HFM1: variants seen among roughly 807,000 people sequenced by gnomAD.
HFM1 encodes helicase for meiosis 1.
A neutral mutation model predicts 192.1 loss-of-function variants in HFM1; 169 were observed. The observed-to-expected ratio is 0.88, with a 90% confidence interval of 0.78 to 1.00. The LOEUF (loss-of-function observed/expected upper bound fraction) is 1.00, where lower values mean the gene tolerates loss of function less well. Among genes scored for constraint, HFM1 ranks in the 50% least tolerant of loss-of-function variants. The pLI, the probability that HFM1 is intolerant of heterozygous loss-of-function variation, is 0.00. For missense variants in HFM1, 1,661 were observed against 1,668.0 expected (o/e 1.00, Z 0.07); for synonymous variants, 525 against 537.8 (o/e 0.98, Z 0.33).
intron 18 of HFM1, among the ~76,000 whole-genome samples, chr1:91,348,734 G>A (rs1656488651): frequency 6.6e-6 from 1 of 151,740 alleles, no homozygotes; most frequent in Admixed American, 6.6e-5. Flanking sequence ...AGCCTAGGCA[G>A]CATAGGGAAG....
intron 30 of HFM1, among the ~76,000 whole-genome samples, chr1:91,311,113 A>G (rs1650374690): frequency 6.6e-6 from 1 of 152,230 alleles, no homozygotes. Context: ...AATAAGGTCC[A>G]GGTTGAGGTG....
At chr1:91,310,180 G>A (rs973133125) in intron 30 of HFM1, among the ~76,000 whole-genome samples, 3 of 152,036 alleles carry the variant, frequency 2.0e-5, no homozygotes, top group African/African-American at 4.8e-5. Context: ...GTTTTTATGT[G>A]TAAAAGTAAT....
chr1:91,387,726 T>C (rs1164935640), intron 4 of HFM1, among the ~76,000 whole-genome samples: 1 of 116,626 alleles, frequency 8.6e-6, no homozygotes, highest in African/African-American at 3.4e-5. Context: ...TGAGATCACA[T>C]GGACACAGGA....
At chr1:91,354,242 A>G (rs1327290333) in intron 13 of HFM1, among the ~76,000 whole-genome samples, 1 of 151,796 alleles carries the variant, frequency 6.6e-6, no homozygotes, top group Non-Finnish European at 1.5e-5. Flanking sequence ...AGAAGAAAGA[A>G]TCTGTGAAAT....
intron 13 of HFM1, among the ~76,000 whole-genome samples, chr1:91,374,187 T>C (rs1660615365): frequency 6.6e-6 from 1 of 152,094 alleles, no homozygotes; most frequent in South Asian, 2.1e-4. Context: ...ACACAGAGGC[T>C]AATACAGCTT....
intron 20 of HFM1, among the ~76,000 whole-genome samples, chr1:91,332,077 C>T (rs1344489820): frequency 6.6e-6 from 1 of 151,952 alleles, no homozygotes; most frequent in Non-Finnish European, 1.5e-5. Flanking sequence ...ATACCAATGA[C>T]ATTCTTCACA....
chr1:91,264,353 A>G (rs1463487464), intron 36 of HFM1, among the ~76,000 whole-genome samples: 1 of 100,744 alleles, frequency 9.9e-6, no homozygotes, highest in Non-Finnish European at 2.0e-5. Flanking sequence ...GGATACCACA[A>G]ATTTAGTATT....
rs113891470 is a variant in HFM1, at chr1:91,329,098, T to C, written c.2336-4332A>G. 1.4e-5 allele frequency: 23 copies of C among 1,610,200 alleles called. No individual in the cohort carries two copies. In the Admixed American group the frequency reaches 2.3e-4, roughly 16 times the overall value. On this transcript the variant is annotated intron_variant, in intron 20 of 38. Transcript: ENST00000370425. ...GACTACTGTAAGAGTATCTGGAGTA[T>C]TGGGCCCAAGCGGGCTGTGGATCTA...
intron 30 of HFM1, among the ~76,000 whole-genome samples, chr1:91,300,418 T>G (rs1648540734): frequency 6.6e-6 from 1 of 152,158 alleles, no homozygotes; most frequent in Non-Finnish European, 1.5e-5. Flanking sequence ...GAGGGAATCC[T>G]CCCTAACTCA....
At chr1:91,271,134 T>A (rs1666252023) in intron 34 of HFM1, among the ~76,000 whole-genome samples, 1 of 152,092 alleles carries the variant, frequency 6.6e-6, no homozygotes. Flanking sequence ...AATCGTCAGG[T>A]TACTGGGATT....
intron 20 of HFM1, among the ~76,000 whole-genome samples, chr1:91,335,517 A>C (rs1654443989): frequency 6.6e-6 from 1 of 152,180 alleles, no homozygotes; most frequent in African/African-American, 2.4e-5. Context: ...AAGCAGAGGG[A>C]ATGAAAAGTA....
At chr1:91,321,704 G>A (rs1483078520) in intron 23 of HFM1, among the ~76,000 whole-genome samples, 1 of 152,058 alleles carries the variant, frequency 6.6e-6, no homozygotes, top group Non-Finnish European at 1.5e-5. Context: ...GCTTAAATAA[G>A]ATGCACAAAG....
chr1:91,377,901 T>G, intron 11 of HFM1, 124 bp downstream of exon 11: 1 of 881,684 alleles, frequency 1.1e-6, no homozygotes, highest in Non-Finnish European at 1.8e-6. Context: ...TAGCCACAAC[T>G]TTCTACAACA....
intron 4 of HFM1, among the ~76,000 whole-genome samples, chr1:91,389,132 G>GT (rs34874992): frequency 1.1e-3 from 91 of 82,488 alleles, no homozygotes; most frequent in South Asian, 2.6e-3. Context: ...TTTTTGTTGG[G>GT]TTTTTTTTTT....
intron 30 of HFM1, among the ~76,000 whole-genome samples, chr1:91,300,034 T>A (rs1307749972): frequency 6.6e-6 from 1 of 152,032 alleles, no homozygotes; most frequent in Non-Finnish European, 1.5e-5. Flanking sequence ...GATAGACCGC[T>A]AGCAAGACTA....
intron 30 of HFM1, among the ~76,000 whole-genome samples, chr1:91,277,378 C>A (rs980946936): frequency 1.1e-4 from 17 of 150,776 alleles, no homozygotes; most frequent in African/African-American, 3.4e-4. Context: ...TACCACCATG[C>A]CTGGTAATTT....
chr1:91,338,579 C>G (rs1389956660), intron 20 of HFM1, among the ~76,000 whole-genome samples: 1 of 152,186 alleles, frequency 6.6e-6, no homozygotes, highest in African/African-American at 2.4e-5. Context: ...CCTCCTCACA[C>G]TGCTTTGCCA....
intron 30 of HFM1, among the ~76,000 whole-genome samples, chr1:91,277,507 GT>G (rs1553183750): frequency 1.2e-3 from 3 of 2,434 alleles, no homozygotes; most frequent in Admixed American, 7.9e-3. Context: ...TCCCTGGTGG[GT>G]GTGTGTGTGT....
At chr1:91,329,383 C>T (rs936617292) in intron 20 of HFM1, 19 of 1,587,222 alleles carry the variant, frequency 1.2e-5, no homozygotes, top group Non-Finnish European at 1.5e-5. Flanking sequence ...TAAGGCAGCA[C>T]CCAGGGCCGC....
Sources: gnomAD v4.1 joint callset for allele counts (sites outside exome capture counted in the v4.1 genomes callset) on GRCh38, gnomAD v4.1.1 for gene constraint, MANE v1.5 for transcripts, NCBI Gene and HGNC (gene_info 2026-07-23, HGNC 2026-07-21) for gene names.